CFAP221: variants seen among roughly 807,000 people sequenced by gnomAD.
CFAP221 encodes the protein cilia- and flagella-associated protein 221.
Under a neutral mutation model 113.1 loss-of-function variants are expected in CFAP221, and 97 were observed. That is an observed-to-expected ratio of 0.86 (90% CI 0.73 to 1.02). The LOEUF (loss-of-function observed/expected upper bound fraction) is 1.02. Ranked by LOEUF, CFAP221 falls within the 50% of genes least tolerant of loss-of-function variation. CFAP221 has a pLI of 0.00. For missense variants in CFAP221, 1,025 were observed against 1,013.4 expected, an observed-to-expected ratio of 1.01 and a Z score of -0.16; for synonymous variants, 331 against 354.4, an observed-to-expected ratio of 0.93 and a Z score of 0.74.
At chr2:119,620,690 G>C (rs1297131029) in intron 14 of CFAP221, among the ~76,000 whole-genome samples, 1 of 151,996 alleles carries the variant, frequency 6.6e-6, no homozygotes, top group Non-Finnish European at 1.5e-5. Context: ...TCAATTAATG[G>C]GCAAAACAAC....
intron 6 of CFAP221, among the ~76,000 whole-genome samples, chr2:119,576,350 CCT>C (rs1210450480): frequency 3.3e-5 from 5 of 152,194 alleles, no homozygotes; most frequent in Non-Finnish European, 7.3e-5. Flanking sequence ...CCCTCTCCCT[CCT>C]CTCACCCTCC....
intron 16 of CFAP221, among the ~76,000 whole-genome samples, chr2:119,629,506 C>T (rs921600297): frequency 7.2e-5 from 11 of 152,164 alleles, no homozygotes; most frequent in African/African-American, 2.2e-4. Flanking sequence ...GATGCAGTGC[C>T]GTTCAGATGA....
At chr2:119,585,579 G>A (rs1187791883) in intron 6 of CFAP221, among the ~76,000 whole-genome samples, 1 of 151,920 alleles carries the variant, frequency 6.6e-6, no homozygotes, top group East Asian at 1.9e-4. Context: ...TAGATAAAGG[G>A]GTCGTTATTT....
At chr2:119,613,680 T>A (rs1429539524) in intron 13 of CFAP221, among the ~76,000 whole-genome samples, 1 of 152,182 alleles carries the variant, frequency 6.6e-6, no homozygotes, top group East Asian at 1.9e-4. Context: ...AAACCATTTT[T>A]CCCTCCTAGG....
At chr2:119,625,210 C>T (rs1330676788) in intron 14 of CFAP221, among the ~76,000 whole-genome samples, 2 of 152,156 alleles carry the variant, frequency 1.3e-5, no homozygotes, top group Non-Finnish European at 2.9e-5. Context: ...CAGAATCACC[C>T]GTGCCATTTG....
chr2:119,611,693 G>T lies in CFAP221; in HGVS notation c.1262G>T (p.Arg421Leu). The change falls in exon 13 of 24, where the codon CGA (arginine) becomes CTA (leucine). Residue 421 changes from arginine to leucine, a missense_variant. Coordinates refer to ENST00000413369, the MANE Select transcript of CFAP221 (RefSeq NM_001271049.2). ...GDPILDEEFQ[R>L]LKTEVSHKRV... ...CCTATTTTGGATGAGGAATTTCAGC[G>T]ACTTAAAACAGAAGTTAGCCATAAA... is the stretch of plus-strand genomic sequence containing the variant. The T allele has an allele frequency of 1.2e-6, 2 of 1,613,790 alleles. No individual in the cohort carries two copies. Among genetic ancestry groups the T allele is most frequent in the Non-Finnish European group, 8.5e-7 (1 of 1,179,938 alleles).
chr2:119,630,105 T>C, intron 17 of CFAP221, 150 bp downstream of exon 17: 1 of 688,824 alleles, frequency 1.5e-6, no homozygotes, highest in Non-Finnish European at 2.4e-6. Context: ...ATATGGGAGG[T>C]ACAGCAGATT....
chr2:119,604,445 T>C (rs750472948), intron 8 of CFAP221, among the ~76,000 whole-genome samples: 3 of 151,520 alleles, frequency 2.0e-5, no homozygotes, highest in Non-Finnish European at 2.9e-5. Flanking sequence ...AAAAAAAGAA[T>C]GTAAGGCAAA....
chr2:119,636,603 T>A (rs1330426483), intron 19 of CFAP221, among the ~76,000 whole-genome samples: 1 of 152,056 alleles, frequency 6.6e-6, no homozygotes, highest in African/African-American at 2.4e-5. Context: ...AGTGGAAGAA[T>A]AAGCATGATG....
chr2:119,584,740 T>G (rs531358492), intron 6 of CFAP221, among the ~76,000 whole-genome samples: 1 of 152,284 alleles, frequency 6.6e-6, no homozygotes, highest in South Asian at 2.1e-4. Context: ...AGAATGAAAG[T>G]GAAATGAGAT....
intron 19 of CFAP221, among the ~76,000 whole-genome samples, chr2:119,633,241 A>G (rs929783340): frequency 3.9e-4 from 59 of 152,064 alleles, no homozygotes; most frequent in African/African-American, 1.4e-3. Context: ...ACCTAAATAG[A>G]AAACCTGAAA....
intron 23 of CFAP221, among the ~76,000 whole-genome samples, chr2:119,655,675 T>C (rs1261055052): frequency 6.6e-6 from 1 of 152,118 alleles, no homozygotes; most frequent in African/African-American, 2.4e-5. Context: ...ACCATGACAG[T>C]CTCTGAGCCG....
rs141013174 is a variant in CFAP221 at position 119,608,288 on chromosome 2, T to A, written c.1134-214T>A. On this transcript the variant is annotated intron_variant, in intron 11 of 23. Transcript: ENST00000413369. Reference sequence around the variant, plus strand: ...AGGTTGAGCATCCAGATGTTGTTATTCATAACTATTTAAGATAAGCTTAAC... The same window carrying A: ...AGGTTGAGCATCCAGATGTTGTTATACATAACTATTTAAGATAAGCTTAAC... Among the ~76,000 whole-genome samples the A allele has an allele frequency of 2.4e-3, 366 of 152,350 alleles. 1 individual carries two copies. Among genetic ancestry groups the A allele is most frequent in the African/African-American group, 8.0e-3 (333 of 41,576 alleles).
At chr2:119,572,940 A>G in intron 6 of CFAP221, 1 of 224,470 alleles carries the variant, frequency 4.5e-6, no homozygotes, top group East Asian at 9.0e-5. Flanking sequence ...TTATGTCATA[A>G]GGTCAGAAAT....
In CFAP221 at chr2:119,587,294, A is replaced by G. The variant is rs1683290622; in HGVS notation, c.631+72A>G. On this transcript the variant is annotated intron_variant, in intron 7 of 23. Coordinates refer to ENST00000413369, the MANE Select transcript of CFAP221 (RefSeq NM_001271049.2). The stretch of plus-strand genomic sequence containing the variant: ...ATTCAAACGTTATATTTTCAAACAC[A>G]TATCAGTGATGAATTTTACACATAA... 20 of 1,109,756 alleles carry G rather than the reference A, an allele frequency of 1.8e-5. 1 individual carries two copies. The South Asian group carries it at 3.1e-4, about 17-fold the overall frequency. The allele number at this position is 1,109,756 out of a possible 1,614,324, so 68.7% of individuals were successfully genotyped here.
intron 12 of CFAP221, among the ~76,000 whole-genome samples, chr2:119,608,966 G>C (rs1003288447): frequency 6.6e-6 from 1 of 152,218 alleles, no homozygotes; most frequent in African/African-American, 2.4e-5. Flanking sequence ...GAAGACAAAA[G>C]AGACCCAAAG....
rs138503864 is a variant in CFAP221, at chr2:119,623,033, A to G, written c.1411-2550A>G. 8.0e-3 allele frequency among the ~76,000 whole-genome samples: 1,223 copies of G among 152,320 alleles called. 15 individuals are homozygous for G. The highest frequency in any genetic ancestry group is 0.062 in the East Asian group (320 of 5,190). On this transcript the variant is annotated intron_variant, in intron 14 of 23. Transcript: ENST00000413369. ...GTTCTGGCCAGGGCAATCACACAAG[A>G]GAAGAAATAAAGGGTATTCAAATAG...
chr2:119,575,924 G>A (rs1682411467), intron 6 of CFAP221, among the ~76,000 whole-genome samples: 1 of 152,040 alleles, frequency 6.6e-6, no homozygotes, highest in African/African-American at 2.4e-5. Flanking sequence ...ATGAAGAGGT[G>A]GCCTTATTTA....
chr2:119,546,269 A>G lies in CFAP221; in HGVS notation c.138A>G (p.Ser46=). 6.5e-7 allele frequency: 1 copy of G among 1,533,476 alleles called. No homozygotes were observed. Among genetic ancestry groups the G allele is most frequent in the Non-Finnish European group, 8.7e-7 (1 of 1,146,102 alleles). The allele number at this position is 1,533,476 out of a possible 1,614,324, so 95.0% of individuals were successfully genotyped here. Residue 46 remains serine (S), a splice_region_variant and synonymous_variant, in exon 2 of 24, where the codon TCA becomes TCG. Coordinates refer to ENST00000413369, the MANE Select transcript of CFAP221 (RefSeq NM_001271049.2). ...AAGTACCTAATCACCTCCTAGAATCAAGTAAGTGGCTAGAAGACAGATTTG... is the reference window on the plus strand; with the variant it reads ...AAGTACCTAATCACCTCCTAGAATCGAGTAAGTGGCTAGAAGACAGATTTG... ...RKEVPNHLLE[S]KVYAKLVNNK...
Sources: allele counts gnomAD v4.1 joint callset (sites outside exome capture counted in the v4.1 genomes callset), GRCh38; gene constraint gnomAD v4.1.1; transcripts MANE v1.5; gene names NCBI Gene and HGNC (gene_info 2026-07-23, HGNC 2026-07-21).